The following PLEKHA7 variants were observed in gnomAD, a reference collection of about 807,000 sequenced individuals.
The protein encoded by PLEKHA7 is pleckstrin homology domain containing A7.
PLEKHA7 carries 104 observed loss-of-function variants against 170.0 expected under a neutral mutation model. The ratio of observed to expected loss-of-function variants is 0.61; its 90% CI spans 0.52 to 0.72. The LOEUF is 0.72. Ranked by LOEUF, PLEKHA7 falls within the 30% of genes least tolerant of loss-of-function variation. The pLI, the probability that PLEKHA7 is intolerant of heterozygous loss-of-function variation, is 0.00. For synonymous variants in PLEKHA7, 648 were observed against 660.8 expected, an observed-to-expected ratio of 0.98 and a Z score of 0.30; for missense variants, 1,615 against 1,671.7, an observed-to-expected ratio of 0.97 and a Z score of 0.59.
chr11:17,004,096 C>G (rs1252834463), intron 3 of PLEKHA7, among the ~76,000 whole-genome samples: 1 of 152,194 alleles, frequency 6.6e-6, no homozygotes, highest in Non-Finnish European at 1.5e-5. Flanking sequence ...CATGATGCAT[C>G]TGGCCGAAGA....
At chr11:16,820,469 C>A (rs1404536640) in intron 10 of PLEKHA7, among the ~76,000 whole-genome samples, 2 of 149,874 alleles carry the variant, frequency 1.3e-5, no homozygotes. Context: ...CACTAGGTGG[C>A]AGGGTTTGCT....
intron 3 of PLEKHA7, among the ~76,000 whole-genome samples, chr11:16,896,303 A>T (rs1407648061): frequency 6.6e-6 from 1 of 152,202 alleles, no homozygotes; most frequent in Non-Finnish European, 1.5e-5. Context: ...ACTTGGAAGA[A>T]TGGCTGTGAC....
chr11:16,851,233 A>G lies in PLEKHA7; in HGVS notation c.654T>C (p.Pro218=), dbSNP rs1000125366. 1.2e-6 allele frequency: 2 copies of G among 1,611,948 alleles called. No individual in the cohort carries two copies. The highest frequency in any genetic ancestry group is 1.7e-6 in the Non-Finnish European group (2 of 1,179,006). ...GGCTTATGCGATCCTCAGGGGCCACAGGAGAGATCACGTAGCTGGGCAAGG... is the reference window on the plus strand; with the variant it reads ...GGCTTATGCGATCCTCAGGGGCCACGGGAGAGATCACGTAGCTGGGCAAGG... ...SIPLPSYVIS[P]VAPEDRISRK... The change falls in exon 8 of 27, where the codon CCT becomes CCC. Residue 218 remains proline (P), a synonymous_variant. Coordinates refer to ENST00000531066, the MANE Select transcript of PLEKHA7 (RefSeq NM_001329630.2).
At chr11:16,889,600 C>A (rs926805254) in intron 3 of PLEKHA7, among the ~76,000 whole-genome samples, 1 of 150,594 alleles carries the variant, frequency 6.6e-6, no homozygotes. Context: ...CAACACCACC[C>A]CCCACAAAAA....
At chr11:16,786,703 G>T (rs2134164917) in intron 23 of PLEKHA7, 1 of 985,354 alleles carries the variant, frequency 1.0e-6, no homozygotes, top group East Asian at 1.1e-4. Flanking sequence ...CAAACAACTT[G>T]GGACAGAGTT....
chr11:16,912,886 T>C (rs1858352893), intron 3 of PLEKHA7, among the ~76,000 whole-genome samples: 1 of 152,232 alleles, frequency 6.6e-6, no homozygotes, highest in Non-Finnish European at 1.5e-5. Context: ...CAGCCAGCTC[T>C]AAAATGCCTA....
At chr11:16,861,682 G>A (rs1213245867) in intron 4 of PLEKHA7, among the ~76,000 whole-genome samples, 1 of 152,076 alleles carries the variant, frequency 6.6e-6, no homozygotes, top group African/African-American at 2.4e-5. Context: ...ACACTATGAT[G>A]GGAGGTTAGA....
chr11:16,872,331 C>T (rs78010221), intron 3 of PLEKHA7, among the ~76,000 whole-genome samples: 2,365 of 152,088 alleles, frequency 0.016, 61 homozygotes, highest in African/African-American at 0.054. Context: ...TGGAGATATA[C>T]CCGGGTATGT....
chr11:16,836,799 T>C (rs976192788), intron 9 of PLEKHA7, among the ~76,000 whole-genome samples: 1 of 145,400 alleles, frequency 6.9e-6, no homozygotes, highest in Non-Finnish European at 1.5e-5. Flanking sequence ...TCCTGGGCTT[T>C]TTTTTTTTGT....
chr11:16,980,534 G>C (rs1029099226), intron 3 of PLEKHA7, among the ~76,000 whole-genome samples: 2 of 152,212 alleles, frequency 1.3e-5, no homozygotes, highest in African/African-American at 4.8e-5. Flanking sequence ...AGGCATGGCG[G>C]ATGAAAGCAG....
In PLEKHA7 at chr11:16,826,193, T is replaced by C. The variant is rs1200300257; in HGVS notation, c.1270A>G (p.Lys424Glu). Reference protein sequence around the residue: ...RAFPPRTNPEKHSQRKSNLAQ... With the variant: ...RAFPPRTNPEEHSQRKSNLAQ... ...AGATTGCTCTTCCTTTGGCTGTGTT[T>C]TTCAGGGTTGGTCCTGGGAGGAAAG... The change falls in exon 10 of 27, where the codon AAA becomes GAA. Residue 424 changes from lysine (K) to glutamate (E), a missense_variant. Coordinates refer to ENST00000531066, the MANE Select transcript of PLEKHA7 (RefSeq NM_001329630.2). 6.2e-7 allele frequency: 1 copy of C among 1,614,106 alleles called. No individual in the cohort carries two copies.
At chr11:17,013,294 G>C (rs564970100) in intron 3 of PLEKHA7, 88 of 152,448 alleles carry the variant, frequency 5.8e-4, no homozygotes, top group African/African-American at 1.9e-3. Context: ...AACCTGGCTG[G>C]TGCGCCAACA....
intron 3 of PLEKHA7, among the ~76,000 whole-genome samples, chr11:16,902,694 C>T (rs1484074399): frequency 6.6e-6 from 1 of 152,222 alleles, no homozygotes; most frequent in African/African-American, 2.4e-5. Flanking sequence ...GAGACACTCC[C>T]TGAATTCAAA....
chr11:17,011,292 T>C (rs1432777093), intron 3 of PLEKHA7, among the ~76,000 whole-genome samples: 3 of 152,124 alleles, frequency 2.0e-5, no homozygotes, highest in South Asian at 4.1e-4. Context: ...CTCACCTTCT[T>C]AGAAACACTG....
chr11:16,893,901 C>T (rs1006877948), intron 3 of PLEKHA7, among the ~76,000 whole-genome samples: 2 of 152,220 alleles, frequency 1.3e-5, no homozygotes, highest in African/African-American at 4.8e-5. Context: ...AGCCCGGCCA[C>T]ATTCCAGAGG....
chr11:16,965,154 C>CA (rs144198354), intron 3 of PLEKHA7, among the ~76,000 whole-genome samples: 39,253 of 150,274 alleles, frequency 0.26, 5,912 homozygotes, highest in Non-Finnish European at 0.36. Flanking sequence ...ACAAAATATA[C>CA]AAAAAAAAAC....
chr11:17,003,300 G>A (rs7931025), intron 3 of PLEKHA7, among the ~76,000 whole-genome samples: 96,000 of 152,122 alleles, frequency 0.63, 30,964 homozygotes, highest in East Asian at 0.96. Context: ...CCAAGGTTGT[G>A]CAGTTTTTAT....
intron 3 of PLEKHA7, among the ~76,000 whole-genome samples, chr11:16,968,021 AAAG>A (rs1329182586): frequency 6.6e-6 from 1 of 152,140 alleles, no homozygotes; most frequent in Non-Finnish European, 1.5e-5. Context: ...AGACGGAGGG[AAAG>A]AAGAAGGGAG....
chr11:16,828,875 T>C (rs1313384836), intron 9 of PLEKHA7, among the ~76,000 whole-genome samples: 1 of 152,202 alleles, frequency 6.6e-6, no homozygotes, highest in Non-Finnish European at 1.5e-5. Context: ...AAGGCACTAC[T>C]TGAGAATGAA....
Sources: gnomAD v4.1 joint callset for allele counts (sites outside exome capture counted in the v4.1 genomes callset) on GRCh38, gnomAD v4.1.1 for gene constraint, MANE v1.5 for transcripts, NCBI Gene and HGNC (gene_info 2026-07-23, HGNC 2026-07-21) for gene names.